STXBP5L: variants seen among roughly 807,000 people sequenced by gnomAD.
STXBP5L encodes the protein syntaxin binding protein 5L, also known as syntaxin-binding protein 5-like.
STXBP5L carries 65 observed loss-of-function variants against 144.5 expected under a neutral mutation model. The ratio of observed to expected loss-of-function variants is 0.45; its 90% CI spans 0.37 to 0.55. STXBP5L has a LOEUF of 0.55. Among genes scored for constraint, STXBP5L ranks in the 20% least tolerant of loss-of-function variants. The pLI is 0.00. For missense variants in STXBP5L, 1,298 were observed against 1,405.5 expected (o/e 0.92, Z 1.22); for synonymous variants, 505 against 469.6 (o/e 1.08, Z -0.97).
intron 3 of STXBP5L, among the ~76,000 whole-genome samples, chr3:120,991,468 A>G (rs1942862303): frequency 6.6e-6 from 1 of 152,174 alleles, no homozygotes; most frequent in Admixed American, 6.5e-5. Context: ...TGACCCAGCC[A>G]TCCCATTACT....
chr3:121,079,749 G>A (rs1389277171), intron 5 of STXBP5L, among the ~76,000 whole-genome samples: 2 of 152,152 alleles, frequency 1.3e-5, no homozygotes, highest in East Asian at 1.9e-4. Flanking sequence ...GCCTGTCATG[G>A]TCTATCTTGG....
At chr3:121,056,020 G>A (rs1206431150) in intron 5 of STXBP5L, among the ~76,000 whole-genome samples, 1 of 152,022 alleles carries the variant, frequency 6.6e-6, no homozygotes, top group Non-Finnish European at 1.5e-5. Flanking sequence ...GCCTAGGCTA[G>A]ACTTGAACTA....
At chr3:121,072,740 C>G (rs2041858510) in intron 5 of STXBP5L, among the ~76,000 whole-genome samples, 1 of 152,182 alleles carries the variant, frequency 6.6e-6, no homozygotes, top group Admixed American at 6.5e-5. Flanking sequence ...CTAGCCTTGT[C>G]ACCTCCTCCT....
At chr3:121,335,348 A>G (rs551827747) in intron 20 of STXBP5L, among the ~76,000 whole-genome samples, 15 of 152,336 alleles carry the variant, frequency 9.8e-5, no homozygotes, top group African/African-American at 2.9e-4. Flanking sequence ...CATGGATAGG[A>G]AGAATCAATA....
chr3:120,983,264 G>T (rs547426848), intron 3 of STXBP5L, among the ~76,000 whole-genome samples: 1 of 152,054 alleles, frequency 6.6e-6, no homozygotes, highest in East Asian at 1.9e-4. Flanking sequence ...TCAGATGGGG[G>T]CAGGGTGGCA....
At chr3:121,037,298 A>G (rs549931063) in intron 3 of STXBP5L, among the ~76,000 whole-genome samples, 2 of 147,296 alleles carry the variant, frequency 1.4e-5, no homozygotes, top group African/African-American at 5.0e-5. Flanking sequence ...TCCAGATGGG[A>G]GTGCAGAGGT....
intron 3 of STXBP5L, among the ~76,000 whole-genome samples, chr3:121,032,416 C>G (rs886403085): frequency 6.6e-6 from 1 of 152,038 alleles, no homozygotes; most frequent in Non-Finnish European, 1.5e-5. Context: ...AGTTGTTATT[C>G]GTGACCTTAT....
chr3:121,402,910 G>A (rs1010526484), intron 22 of STXBP5L, among the ~76,000 whole-genome samples: 5 of 151,978 alleles, frequency 3.3e-5, no homozygotes, highest in African/African-American at 4.8e-5. Flanking sequence ...GCTCACTGTC[G>A]CCCTGAACTA....
chr3:121,337,910 C>CA (rs1385328348), intron 20 of STXBP5L, among the ~76,000 whole-genome samples: 1 of 152,058 alleles, frequency 6.6e-6, no homozygotes, highest in Non-Finnish European at 1.5e-5. Context: ...AAGGAACACT[C>CA]AAAACTATAC....
At chr3:120,981,028 G>A (rs191572366) in intron 3 of STXBP5L, among the ~76,000 whole-genome samples, 2 of 152,124 alleles carry the variant, frequency 1.3e-5, no homozygotes, top group African/African-American at 2.4e-5. Context: ...CTGAAAATAG[G>A]AACCCAGCAT....
chr3:121,394,045 T>C (rs2046662459), intron 22 of STXBP5L, among the ~76,000 whole-genome samples: 1 of 152,234 alleles, frequency 6.6e-6, no homozygotes, highest in Admixed American at 6.5e-5. Flanking sequence ...ATATTGATTC[T>C]TCCAATCTAT....
chr3:121,248,240 T>G (rs2049919062), intron 14 of STXBP5L, among the ~76,000 whole-genome samples: 1 of 152,170 alleles, frequency 6.6e-6, no homozygotes, highest in South Asian at 2.1e-4. Flanking sequence ...ATTTTTGCAC[T>G]TTTAGTAGAG....
intron 10 of STXBP5L, among the ~76,000 whole-genome samples, chr3:121,216,365 T>A (rs888627325): frequency 1.3e-5 from 2 of 152,206 alleles, no homozygotes; most frequent in Non-Finnish European, 2.9e-5. Context: ...ATGGGGTTTT[T>A]GTGTGGATGT....
intron 2 of STXBP5L, among the ~76,000 whole-genome samples, chr3:120,925,532 G>C (rs569052100): frequency 1.3e-5 from 2 of 152,046 alleles, no homozygotes; most frequent in Admixed American, 1.3e-4. Flanking sequence ...CACCCCTTCA[G>C]TTTCAGAATG....
intron 9 of STXBP5L, among the ~76,000 whole-genome samples, chr3:121,204,624 C>T (rs142204406): frequency 4.4e-3 from 670 of 151,756 alleles, no homozygotes; most frequent in Non-Finnish European, 7.1e-3. Flanking sequence ...AATAGATAAA[C>T]AATGTATTAC....
intron 3 of STXBP5L, among the ~76,000 whole-genome samples, chr3:121,001,642 A>T (rs1943786282): frequency 6.6e-6 from 1 of 151,902 alleles, no homozygotes; most frequent in Non-Finnish European, 1.5e-5. Context: ...AGAGTGGGCC[A>T]CTCCATGCCT....
At chr3:121,337,347 G>A (rs2044542421) in intron 20 of STXBP5L, among the ~76,000 whole-genome samples, 1 of 151,418 alleles carries the variant, frequency 6.6e-6, no homozygotes, top group African/African-American at 2.4e-5. Flanking sequence ...AGGTAAAGGG[G>A]TGGAAAAAGA....
intron 3 of STXBP5L, among the ~76,000 whole-genome samples, chr3:121,007,866 A>G (rs556040309): frequency 2.0e-5 from 3 of 152,156 alleles, no homozygotes; most frequent in Admixed American, 2.0e-4. Context: ...AGTTACTCTT[A>G]TGCTCCATGT....
chr3:121,258,382 A>G (rs2050276780), intron 17 of STXBP5L, among the ~76,000 whole-genome samples: 1 of 152,202 alleles, frequency 6.6e-6, no homozygotes, highest in African/African-American at 2.4e-5. Context: ...AGATTTTAGG[A>G]GCAAAATTCA....
Sources: gnomAD v4.1 joint callset for allele counts (sites outside exome capture counted in the v4.1 genomes callset) on GRCh38, gnomAD v4.1.1 for gene constraint, MANE v1.5 for transcripts, NCBI Gene and HGNC (gene_info 2026-07-23, HGNC 2026-07-21) for gene names.